SP140L: variants seen among roughly 807,000 people sequenced by gnomAD.
The protein encoded by SP140L is SP140 like nuclear body protein.
Under a neutral mutation model 84.3 loss-of-function variants are expected in SP140L, and 64 were observed. The ratio of observed to expected loss-of-function variants is 0.76; its 90% confidence interval spans 0.62 to 0.94. The LOEUF (loss-of-function observed/expected upper bound fraction) is 0.94, where lower values mean the gene tolerates loss of function less well. Among genes scored for constraint, SP140L ranks in the 40% least tolerant of loss-of-function variants. The pLI, the probability that SP140L is intolerant of heterozygous loss-of-function variation, is 0.00. For missense variants in SP140L, 628 were observed against 692.5 expected, an observed-to-expected ratio of 0.91 and a Z score of 1.05; for synonymous variants, 242 against 236.9, an observed-to-expected ratio of 1.02 and a Z score of -0.20.
chr2:230,388,535 G>A, intron 9 of SP140L, 24 bp from the exon 10 acceptor site: 1 of 1,585,434 alleles, frequency 6.3e-7, no homozygotes, highest in Admixed American at 1.8e-5. Context: ...TTGTAACTGT[G>A]ATTTTATTAT....
At chr2:230,396,643 T>C in intron 13 of SP140L, 114 bp from the exon 14 acceptor site, 1 of 1,298,706 alleles carries the variant, frequency 7.7e-7, no homozygotes, top group Non-Finnish European at 1.1e-6. Flanking sequence ...TCCCAATTAT[T>C]TTTTTACAAC....
At chr2:230,373,418 G>T (rs1049822359) in intron 7 of SP140L, among the ~76,000 whole-genome samples, 2 of 152,192 alleles carry the variant, frequency 1.3e-5, no homozygotes, top group African/African-American at 4.8e-5. Context: ...TTCTCTTGAA[G>T]CCAATGCTCA....
At chr2:230,398,622 C>T (rs1264035294) in intron 14 of SP140L, among the ~76,000 whole-genome samples, 1 of 152,214 alleles carries the variant, frequency 6.6e-6, no homozygotes, top group Non-Finnish European at 1.5e-5. Context: ...GGAAAAAGTC[C>T]ACCTCTGAAC....
intron 2 of SP140L, among the ~76,000 whole-genome samples, chr2:230,351,072 C>A (rs1471809560): frequency 6.6e-6 from 1 of 152,140 alleles, no homozygotes; most frequent in Non-Finnish European, 1.5e-5. Context: ...ATTGAAAGTT[C>A]TGCAGTTCTT....
intron 9 of SP140L, 117 bp downstream of exon 9, chr2:230,385,421 G>T: frequency 1.1e-6 from 1 of 927,218 alleles, no homozygotes; most frequent in Non-Finnish European, 1.6e-6. Context: ...TTTCAGAGCA[G>T]TGAAATCTAA....
chr2:230,396,681 T>A, intron 13 of SP140L, 76 bp from the exon 14 acceptor site: 2 of 1,537,886 alleles, frequency 1.3e-6, no homozygotes, highest in Non-Finnish European at 1.8e-6. Context: ...CAAAGATGAC[T>A]ATTTAAATTT....
intron 2 of SP140L, among the ~76,000 whole-genome samples, chr2:230,331,728 G>A (rs2059729977): frequency 6.6e-6 from 1 of 152,148 alleles, no homozygotes; most frequent in African/African-American, 2.4e-5. Flanking sequence ...TTTGTAAACA[G>A]GAACTCGTTT....
At chr2:230,400,471 G>A in intron 15 of SP140L, 8 of 542,272 alleles carry the variant, frequency 1.5e-5, no homozygotes, top group Non-Finnish European at 2.3e-5. Context: ...GCCAGTGTTG[G>A]GGACCTTTGC....
intron 11 of SP140L, 112 bp from the exon 12 acceptor site, chr2:230,391,975 G>A: frequency 2.1e-6 from 3 of 1,460,574 alleles, no homozygotes; most frequent in Non-Finnish European, 2.8e-6. Context: ...AGACCCTCCT[G>A]CTATTGATCT....
intron 14 of SP140L, chr2:230,399,706 T>C (rs895798278): frequency 1.9e-5 from 3 of 155,950 alleles, no homozygotes; most frequent in Admixed American, 1.9e-4. Flanking sequence ...TGTGATGATA[T>C]CTTAGAAGGT....
intron 5 of SP140L, among the ~76,000 whole-genome samples, chr2:230,368,525 T>C (rs796653448): frequency 2.1e-4 from 32 of 152,336 alleles, no homozygotes; most frequent in African/African-American, 7.5e-4. Context: ...TATGCTATTA[T>C]CTCTTTAAAT....
intron 2 of SP140L, among the ~76,000 whole-genome samples, chr2:230,355,059 G>C (rs1173169823): frequency 6.6e-6 from 1 of 152,158 alleles, no homozygotes; most frequent in Non-Finnish European, 1.5e-5. Flanking sequence ...AGACAAGGAA[G>C]TTGTCTCTCA....
chr2:230,397,205 C>G (rs1488049713), intron 14 of SP140L, among the ~76,000 whole-genome samples: 1 of 152,116 alleles, frequency 6.6e-6, no homozygotes, highest in African/African-American at 2.4e-5. Context: ...AAGGGAAAAT[C>G]CCAAAAATGC....
Position 230,357,747 on chromosome 2 carries a change from C to T in SP140L, c.108-58C>T. The T allele has an allele frequency of 3.2e-6, 5 of 1,539,698 alleles. 1 individual carries two copies. In the Middle Eastern group the frequency reaches 5.2e-4, roughly 159 times the overall value. On this transcript the variant is annotated intron_variant, in intron 2 of 18. Transcript: ENST00000415673. Reference sequence around the variant, plus strand: ...TCCGTTATACATAAAATCTTACCATCTCCACAAACATCTCAGAATCTTGAT... The same window carrying T: ...TCCGTTATACATAAAATCTTACCATTTCCACAAACATCTCAGAATCTTGAT...
intron 2 of SP140L, 33 bp from the exon 3 acceptor site, chr2:230,357,772 T>C (rs2060592283): frequency 6.3e-7 from 1 of 1,585,198 alleles, no homozygotes; most frequent in African/African-American, 1.4e-5. Context: ...AGAATCTTGA[T>C]GACCATTTTC....
At chr2:230,392,753 A>C (rs746299451) in intron 12 of SP140L, among the ~76,000 whole-genome samples, 1 of 152,218 alleles carries the variant, frequency 6.6e-6, no homozygotes, top group Non-Finnish European at 1.5e-5. Flanking sequence ...ATCTTCTGAG[A>C]TTGGAAATGA....
intron 2 of SP140L, among the ~76,000 whole-genome samples, chr2:230,333,299 C>T (rs1179087003): frequency 6.6e-6 from 1 of 151,990 alleles, no homozygotes; most frequent in Admixed American, 6.5e-5. Context: ...GCTGGGACTA[C>T]AGGTGCCCAC....
chr2:230,377,881 G>A (rs2061296276), intron 7 of SP140L, among the ~76,000 whole-genome samples: 2 of 152,040 alleles, frequency 1.3e-5, no homozygotes, highest in South Asian at 4.2e-4. Flanking sequence ...TGATTTTGAG[G>A]TCCTATTTAA....
intron 15 of SP140L, chr2:230,400,588 C>A: frequency 2.1e-6 from 1 of 482,250 alleles, no homozygotes; most frequent in East Asian, 4.1e-5. Flanking sequence ...CTTATTCATA[C>A]AAGACAGGAA....
Sources: gnomAD v4.1 joint callset for allele counts (sites outside exome capture counted in the v4.1 genomes callset) on GRCh38, gnomAD v4.1.1 for gene constraint, MANE v1.5 for transcripts, NCBI Gene and HGNC (gene_info 2026-07-23, HGNC 2026-07-21) for gene names.